ROBO1: variants seen among roughly 807,000 people sequenced by gnomAD.
ROBO1 encodes roundabout guidance receptor 1.
Under a neutral mutation model 195.9 loss-of-function variants are expected in ROBO1, and 149 were observed. The observed-to-expected ratio is 0.76, with a 90% CI of 0.67 to 0.87. The LOEUF (loss-of-function observed/expected upper bound fraction) is 0.87. Ranked by LOEUF, ROBO1 falls within the 40% of genes least tolerant of loss-of-function variation. The pLI, the probability that ROBO1 is intolerant of heterozygous loss-of-function variation, is 0.00. For missense variants in ROBO1, 1,933 were observed against 2,068.3 expected, an observed-to-expected ratio of 0.93 and a Z score of 1.27; for synonymous variants, 816 against 733.2, an observed-to-expected ratio of 1.11 and a Z score of -1.82.
At chr3:78,618,609 TA>T (rs1346190393) in intron 26 of ROBO1, among the ~76,000 whole-genome samples, 3 of 152,056 alleles carry the variant, frequency 2.0e-5, no homozygotes, top group South Asian at 2.1e-4. Flanking sequence ...TTTATTCTAT[TA>T]AAAAAAAGCT....
intron 1 of ROBO1, among the ~76,000 whole-genome samples, chr3:79,707,803 T>C (rs976194792): frequency 3.3e-5 from 5 of 152,164 alleles, no homozygotes; most frequent in Non-Finnish European, 5.9e-5. Flanking sequence ...CCATCACACC[T>C]GGCCGAAAAG....
At chr3:78,863,821 T>A (rs1186509012) in intron 4 of ROBO1, among the ~76,000 whole-genome samples, 1 of 151,944 alleles carries the variant, frequency 6.6e-6, no homozygotes, top group Non-Finnish European at 1.5e-5. Context: ...GATGGGAGAG[T>A]CCCTCCACCG....
chr3:79,725,327 C>T (rs1055777832), intron 1 of ROBO1, among the ~76,000 whole-genome samples: 15 of 148,432 alleles, frequency 1.0e-4, no homozygotes, highest in Non-Finnish European at 4.5e-5. Flanking sequence ...CCCGGGTTCA[C>T]GCCATTCTCC....
rs187348101 is a variant in ROBO1 at position 79,636,354 on chromosome 3, C to A, written c.-50-46393G>T. ...AACAACAAAAATAGGGAGCAAACCT[C>A]TTGAAATTATGGTGAAGCTGGAAAA... On this transcript the variant is annotated intron_variant, in intron 1 of 30. Coordinates refer to ENST00000464233, the MANE Select transcript of ROBO1 (RefSeq NM_002941.4). Among the ~76,000 whole-genome samples, 90 of 152,188 alleles carry A rather than the reference C, an allele frequency of 5.9e-4. 1 individual carries two copies. The highest frequency in any genetic ancestry group is 2.1e-3 in the African/African-American group (87 of 41,534).
At chr3:78,907,986 A>G (rs1184785416) in intron 4 of ROBO1, among the ~76,000 whole-genome samples, 1 of 151,980 alleles carries the variant, frequency 6.6e-6, no homozygotes, top group East Asian at 1.9e-4. Flanking sequence ...AGTATCATTC[A>G]TGGAAATACA....
intron 2 of ROBO1, among the ~76,000 whole-genome samples, chr3:79,171,501 A>G (rs1576767743): frequency 6.6e-6 from 1 of 151,942 alleles, no homozygotes; most frequent in Non-Finnish European, 1.5e-5. Flanking sequence ...GATGAAGAAA[A>G]TATTTATAAA....
At position 79,077,264 on chromosome 3, in the gene ROBO1, G is replaced by A. The variant is rs115163191; in HGVS notation, c.172+48192C>T. 3.3e-5 allele frequency among the ~76,000 whole-genome samples: 5 copies of A among 151,928 alleles called. No individual in the cohort carries two copies. In the East Asian group the frequency reaches 9.7e-4, roughly 30 times the overall value. On this transcript the variant is annotated intron_variant, in intron 3 of 30. Transcript: ENST00000464233. Reference sequence around the variant, plus strand: ...TACTTCTATGTATACAATATTTTTAGTGTTCTTCCTAAGACAGAATTCCTA... The same window carrying A: ...TACTTCTATGTATACAATATTTTTAATGTTCTTCCTAAGACAGAATTCCTA...
intron 1 of ROBO1, among the ~76,000 whole-genome samples, chr3:79,695,574 G>A (rs939005947): frequency 2.0e-5 from 3 of 151,208 alleles, no homozygotes; most frequent in Non-Finnish European, 3.0e-5. Context: ...ACTTAAAACC[G>A]AGAACAGAAT....
intron 2 of ROBO1, among the ~76,000 whole-genome samples, chr3:79,436,052 T>C (rs1471673458): frequency 1.3e-5 from 2 of 152,134 alleles, no homozygotes; most frequent in African/African-American, 4.8e-5. Flanking sequence ...TTAATAGCTC[T>C]ATATGCCAGG....
intron 3 of ROBO1, among the ~76,000 whole-genome samples, chr3:79,081,718 A>G (rs557307873): frequency 2.3e-4 from 35 of 152,316 alleles, no homozygotes; most frequent in African/African-American, 7.0e-4. Context: ...CTGCCTGGCT[A>G]AAGTTTCATG....
At chr3:78,716,329 C>T (rs1482208841) in intron 7 of ROBO1, among the ~76,000 whole-genome samples, 1 of 152,074 alleles carries the variant, frequency 6.6e-6, no homozygotes, top group African/African-American at 2.4e-5. Flanking sequence ...CTGGGGAGAC[C>T]TCAGGAAACT....
chr3:79,460,691 T>C (rs1479120594), intron 2 of ROBO1, among the ~76,000 whole-genome samples: 2 of 152,224 alleles, frequency 1.3e-5, no homozygotes, highest in Non-Finnish European at 2.9e-5. Context: ...AACAATATAA[T>C]AGCAATTTCA....
chr3:79,430,732 A>C (rs1358427433), intron 2 of ROBO1, among the ~76,000 whole-genome samples: 1 of 152,118 alleles, frequency 6.6e-6, no homozygotes, highest in Non-Finnish European at 1.5e-5. Context: ...ACATTTTTTG[A>C]AGATTTTACA....
chr3:78,736,672 A>C (rs960989861), intron 5 of ROBO1, among the ~76,000 whole-genome samples: 7 of 152,194 alleles, frequency 4.6e-5, no homozygotes, highest in African/African-American at 1.7e-4. Flanking sequence ...ATGCTCACTG[A>C]AATTATCTTT....
intron 2 of ROBO1, among the ~76,000 whole-genome samples, chr3:79,447,517 T>C (rs936187249): frequency 6.6e-6 from 1 of 152,226 alleles, no homozygotes; most frequent in African/African-American, 2.4e-5. Flanking sequence ...ACAAACTCTT[T>C]CGCCTTCCTT....
intron 2 of ROBO1, among the ~76,000 whole-genome samples, chr3:79,494,952 T>C (rs1318750320): frequency 6.6e-6 from 1 of 152,120 alleles, no homozygotes; most frequent in Non-Finnish European, 1.5e-5. Context: ...TAATCCAATA[T>C]TTCTACACTT....
intron 2 of ROBO1, among the ~76,000 whole-genome samples, chr3:79,563,418 T>C (rs1942989132): frequency 6.6e-6 from 1 of 152,120 alleles, no homozygotes; most frequent in Non-Finnish European, 1.5e-5. Context: ...TTTAGTAATT[T>C]ATTCCTTTGG....
At chr3:79,215,045 C>T (rs1456353765) in intron 2 of ROBO1, among the ~76,000 whole-genome samples, 1 of 151,988 alleles carries the variant, frequency 6.6e-6, no homozygotes, top group Non-Finnish European at 1.5e-5. Flanking sequence ...GCTCCCTTTG[C>T]TAAAATGCAT....
At chr3:79,505,214 TA>T (rs147649712) in intron 2 of ROBO1, among the ~76,000 whole-genome samples, 5,671 of 134,950 alleles carry the variant, frequency 0.042, 370 homozygotes, top group African/African-American at 0.16. Flanking sequence ...TCTTTCTATA[TA>T]TTTTTTTTTT....
Sources: allele counts gnomAD v4.1 joint callset (sites outside exome capture counted in the v4.1 genomes callset), GRCh38; gene constraint gnomAD v4.1.1; transcripts MANE v1.5; gene names NCBI Gene and HGNC (gene_info 2026-07-23, HGNC 2026-07-21).